The following AFG1L variants were observed in gnomAD, a reference collection of about 807,000 sequenced individuals.
AFG1L encodes AFG1 like ATPase, also known as AFG1-like ATPase.
AFG1L carries 53 observed loss-of-function variants against 62.2 expected under a neutral mutation model. The observed-to-expected ratio is 0.85, with a 90% confidence interval of 0.68 to 1.07. The LOEUF is 1.07. Among genes scored for constraint, AFG1L ranks in the 50% least tolerant of loss-of-function variants. AFG1L has a pLI of 0.00. For missense variants in AFG1L, 555 were observed against 590.5 expected, an observed-to-expected ratio of 0.94 and a Z score of 0.62; for synonymous variants, 228 against 210.3, an observed-to-expected ratio of 1.08 and a Z score of -0.73.
intron 3 of AFG1L, among the ~76,000 whole-genome samples, chr6:108,350,393 C>T (rs1779033792): frequency 6.6e-6 from 1 of 151,734 alleles, no homozygotes; most frequent in Non-Finnish European, 1.5e-5. Context: ...CCTGGTAGCA[C>T]TCCCTTCCCA....
rs936653547 is a variant in AFG1L, at chr6:108,523,545, T to G, written c.*1120T>G. 6.6e-5 allele frequency: 10 copies of G among 152,156 alleles called. No individual in the cohort carries two copies. The highest frequency in any genetic ancestry group is 1.2e-4 in the Non-Finnish European group (8 of 68,038). 9.4% of individuals were successfully genotyped at this position (152,156 alleles called of 1,614,324 possible). A position where few individuals can be genotyped will look rare whatever the true frequency, so the allele number is the denominator to read the frequency against. The stretch of plus-strand genomic sequence containing the variant: ...CAAAATCTTGTGAAAATTAAGCATT[T>G]GGGGGAAGGTAAGGCATAGGTGAGT... On this transcript the variant is annotated 3_prime_UTR_variant, in exon 13 of 13. Coordinates refer to ENST00000368977, the MANE Select transcript of AFG1L (RefSeq NM_145315.5).
At chr6:108,311,200 G>C (rs1014646043) in intron 1 of AFG1L, among the ~76,000 whole-genome samples, 1 of 152,116 alleles carries the variant, frequency 6.6e-6, no homozygotes, top group African/African-American at 2.4e-5. Context: ...TTACGTCTCA[G>C]CCAAACTGAA....
intron 5 of AFG1L, among the ~76,000 whole-genome samples, chr6:108,360,401 A>T (rs1285559652): frequency 2.0e-5 from 3 of 152,200 alleles, no homozygotes; most frequent in Non-Finnish European, 4.4e-5. Flanking sequence ...TACCAAATTG[A>T]TTGCTTTCAT....
intron 10 of AFG1L, among the ~76,000 whole-genome samples, chr6:108,485,105 A>G (rs1219653363): frequency 1.3e-5 from 2 of 152,116 alleles, no homozygotes; most frequent in Admixed American, 6.6e-5. Flanking sequence ...TCACTGGCAA[A>G]TTTTCTGTAA....
intron 3 of AFG1L, among the ~76,000 whole-genome samples, chr6:108,347,684 C>T (rs1778913704): frequency 6.6e-6 from 1 of 152,072 alleles, no homozygotes. Context: ...TTTGTGGTTT[C>T]TATTTTCTTC....
chr6:108,493,280 C>T (rs758461509), intron 10 of AFG1L, among the ~76,000 whole-genome samples: 41 of 152,144 alleles, frequency 2.7e-4, no homozygotes, highest in Non-Finnish European at 4.7e-4. Flanking sequence ...GGAGGAGAGT[C>T]GAGCCAGGCT....
chr6:108,466,092 A>G (rs1772654307), intron 8 of AFG1L, among the ~76,000 whole-genome samples: 1 of 152,212 alleles, frequency 6.6e-6, no homozygotes, highest in Non-Finnish European at 1.5e-5. Flanking sequence ...GAGGCAACTT[A>G]TATTGAAGTC....
intron 7 of AFG1L, among the ~76,000 whole-genome samples, chr6:108,413,972 T>C (rs907908965): frequency 2.6e-5 from 4 of 152,026 alleles, no homozygotes; most frequent in Non-Finnish European, 5.9e-5. Flanking sequence ...AAAAAATCAA[T>C]GAATCCAGGA....
chr6:108,463,242 T>G (rs1772530676), intron 8 of AFG1L, among the ~76,000 whole-genome samples: 1 of 132,254 alleles, frequency 7.6e-6, no homozygotes, highest in Admixed American at 9.1e-5. Context: ...TGAACTGAGA[T>G]CACGCCACTG....
At chr6:108,509,577 T>C (rs1774555891) in intron 10 of AFG1L, among the ~76,000 whole-genome samples, 1 of 152,126 alleles carries the variant, frequency 6.6e-6, no homozygotes, top group South Asian at 2.1e-4. Flanking sequence ...GTCATAGAAA[T>C]AAAAATATGG....
Position 108,347,016 on chromosome 6 carries a change from G to A in AFG1L, c.392G>A (p.Gly131Asp), listed in dbSNP as rs1778888253. 1 of 1,613,278 alleles carries A rather than the reference G, an allele frequency of 6.2e-7. No homozygotes were observed. The highest frequency in any genetic ancestry group is 8.5e-7 in the Non-Finnish European group (1 of 1,179,494). Residue 131 changes from glycine (G) to aspartate (D), a missense_variant, in exon 3 of 13, where the codon GGC becomes GAC. Coordinates refer to ENST00000368977, the MANE Select transcript of AFG1L (RefSeq NM_145315.5). ...KLFSRSKPPR[G>D]LYVYGDVGTG... ...TTTTCAAGGAGCAAACCTCCAAGGG[G>A]CCTGTATGTTTATGGAGATGTTGGT... is the stretch of plus-strand genomic sequence containing the variant.
At chr6:108,519,511 A>C (rs112099036) in intron 11 of AFG1L, among the ~76,000 whole-genome samples, 186 bp from the exon 12 acceptor site, 13 of 152,338 alleles carry the variant, frequency 8.5e-5, no homozygotes, top group African/African-American at 3.1e-4. Context: ...TATTCTGAAA[A>C]GTACTATGCA....
intron 2 of AFG1L, among the ~76,000 whole-genome samples, chr6:108,345,551 T>C (rs534533321): frequency 6.6e-6 from 1 of 152,108 alleles, no homozygotes; most frequent in Non-Finnish European, 1.5e-5. Context: ...GGTTTTGCTA[T>C]GTTGCCCAGG....
chr6:108,366,301 C>T lies in AFG1L; in HGVS notation c.717C>T (p.Val239=), dbSNP rs201136388. 1.1e-5 allele frequency: 18 copies of T among 1,611,662 alleles called. No individual in the cohort carries two copies. In the African/African-American group the frequency reaches 1.3e-4, roughly 12 times the overall value. Residue 239 remains valine (V), a synonymous_variant, in exon 6 of 13, where the codon GTC becomes GTT. Coordinates refer to ENST00000368977, the MANE Select transcript of AFG1L (RefSeq NM_145315.5). ...AAAATCTGTTCAAAAACGGGGTCGTCGTTGTGGCAACATCCAACAGGCCAC... is the reference window on the plus strand; with the variant it reads ...AAAATCTGTTCAAAAACGGGGTCGTTGTTGTGGCAACATCCAACAGGCCAC... ...LFENLFKNGV[V]VVATSNRPPE... is the part of the protein sequence containing the mutation.
At chr6:108,376,217 T>G (rs902176793) in intron 6 of AFG1L, among the ~76,000 whole-genome samples, 1 of 152,142 alleles carries the variant, frequency 6.6e-6, no homozygotes, top group African/African-American at 2.4e-5. Context: ...TCTTTTTTAA[T>G]CTAGCTAGCA....
At chr6:108,447,411 T>C (rs1004751116) in intron 8 of AFG1L, 115 bp downstream of exon 8, 4 of 585,032 alleles carry the variant, frequency 6.8e-6, no homozygotes, top group Middle Eastern at 4.2e-4. Context: ...CCCATGATTT[T>C]TAAATTGCAA....
At chr6:108,345,484 G>A (rs888157110) in intron 2 of AFG1L, among the ~76,000 whole-genome samples, 2 of 151,802 alleles carry the variant, frequency 1.3e-5, no homozygotes, top group Admixed American at 6.6e-5. Context: ...CTCAGCCTCC[G>A]AAGTAGCTGG....
intron 10 of AFG1L, among the ~76,000 whole-genome samples, chr6:108,484,498 G>C (rs1367683481): frequency 3.3e-5 from 5 of 152,164 alleles, no homozygotes. Flanking sequence ...GGTGTTGCCA[G>C]GCACCTCAAG....
chr6:108,420,741 C>T (rs191911675), intron 7 of AFG1L, among the ~76,000 whole-genome samples: 395 of 151,772 alleles, frequency 2.6e-3, no homozygotes, highest in Middle Eastern at 0.01. Flanking sequence ...AGATTTTTCG[C>T]GACATATGTA....
Sources: gnomAD v4.1 joint callset for allele counts (sites outside exome capture counted in the v4.1 genomes callset) on GRCh38, gnomAD v4.1.1 for gene constraint, MANE v1.5 for transcripts, NCBI Gene and HGNC (gene_info 2026-07-23, HGNC 2026-07-21) for gene names.